Variants in CHCT1 observed in about 807,000 individuals in gnomAD.
The protein encoded by CHCT1 is CHD1 helical C-terminal domain containing 1, also known as CHD1 helical C-terminal domain containing protein 1.
At chr17:60,421,849 C>G in the CHCT1 span, 4 of 985,256 alleles carry the variant, frequency 4.1e-6, no homozygotes, top group Non-Finnish European at 3.6e-6. Flanking sequence ...CTGGTGGCTG[C>G]GCACACGAGG....
chr17:60,429,316 TC>T, the CHCT1 span: 1 of 1,574,398 alleles, frequency 6.4e-7, no homozygotes, highest in African/African-American at 1.4e-5. Context: ...AAAGTTCAGG[TC>T]CCCCTCTTCT....
the CHCT1 span, among the ~76,000 whole-genome samples, chr17:60,425,237 A>T: frequency 2.0e-5 from 3 of 152,156 alleles, no homozygotes; most frequent in Non-Finnish European, 4.4e-5. Context: ...TCTTTCTCAC[A>T]GTGACATGAT....
the CHCT1 span, chr17:60,429,371 T>G: frequency 4.3e-6 from 7 of 1,613,436 alleles, no homozygotes; most frequent in Non-Finnish European, 5.9e-6. Context: ...GGTGACATTC[T>G]GCGCCTCGGA....
At chr17:60,421,842 G>A in the CHCT1 span, 1 of 985,268 alleles carries the variant, frequency 1.0e-6, no homozygotes, top group African/African-American at 1.7e-5. Flanking sequence ...TCCCCGCCTG[G>A]TGGCTGCGCA....
chr17:60,422,033 G>T, the CHCT1 span: 7 of 835,558 alleles, frequency 8.4e-6, no homozygotes, highest in Non-Finnish European at 1.0e-5. Context: ...CCAGCACCCA[G>T]CACGGAGGGC....
At chr17:60,422,339 C>G in the CHCT1 span, 1 of 880,402 alleles carries the variant, frequency 1.1e-6, no homozygotes, top group Non-Finnish European at 1.6e-6. Flanking sequence ...AGTCTTCGCT[C>G]GACCCCGCAC....
the CHCT1 span, among the ~76,000 whole-genome samples, chr17:60,423,317 T>A: frequency 1.3e-5 from 2 of 151,504 alleles, no homozygotes; most frequent in Admixed American, 1.3e-4. Flanking sequence ...CTCAGCCTCC[T>A]GAGTAGATGG....
the CHCT1 span, chr17:60,421,628 G>T: frequency 2.1e-6 from 2 of 974,260 alleles, no homozygotes; most frequent in South Asian, 4.8e-5. Flanking sequence ...GGACCCCGCC[G>T]TGTGCCGCCC....
chr17:60,422,951 G>A, the CHCT1 span, among the ~76,000 whole-genome samples: 1 of 152,060 alleles, frequency 6.6e-6, no homozygotes, highest in Non-Finnish European at 1.5e-5. Context: ...TGATCAGCCA[G>A]AGTCCTGTCT....
At chr17:60,428,337 C>T in the CHCT1 span, among the ~76,000 whole-genome samples, 1 of 152,154 alleles carries the variant, frequency 6.6e-6, no homozygotes, top group Non-Finnish European at 1.5e-5. Flanking sequence ...TGCACTCTCG[C>T]CGTGCAGCCC....
At chr17:60,421,293 C>A in the CHCT1 span, 1 of 868,956 alleles carries the variant, frequency 1.2e-6, no homozygotes, top group Non-Finnish European at 1.4e-6. Context: ...GCTGAACATG[C>A]TGGCATAGAG....
At chr17:60,429,381 A>T in the CHCT1 span, 2 of 1,613,596 alleles carry the variant, frequency 1.2e-6, no homozygotes, top group South Asian at 1.1e-5. Flanking sequence ...TGCGCCTCGG[A>T]TGCGCCGGAG....
chr17:60,426,446 G>T, the CHCT1 span: 8 of 1,252,274 alleles, frequency 6.4e-6, no homozygotes, highest in Non-Finnish European at 7.6e-6. Flanking sequence ...ATGTGGAGGA[G>T]TCAAGAGCCT....
chr17:60,421,526 G>T, the CHCT1 span: 1 of 985,492 alleles, frequency 1.0e-6, no homozygotes, highest in Non-Finnish European at 1.2e-6. Flanking sequence ...CAGAGGACAC[G>T]AAGGAAGGTC....
At chr17:60,425,878 C>A in the CHCT1 span, 2 of 1,550,508 alleles carry the variant, frequency 1.3e-6, no homozygotes, top group Admixed American at 2.0e-5. Context: ...AGGACACCTT[C>A]AAAACTGTGA....
the CHCT1 span, chr17:60,426,535 C>T: frequency 5.6e-6 from 6 of 1,068,354 alleles, no homozygotes; most frequent in South Asian, 3.3e-5. Flanking sequence ...TGCGTGCAGG[C>T]GCTCAATACC....
At chr17:60,430,837 T>C in the CHCT1 span, among the ~76,000 whole-genome samples, 6 of 152,320 alleles carry the variant, frequency 3.9e-5, no homozygotes, top group Non-Finnish European at 7.3e-5. Context: ...GTACTGGGAA[T>C]TGGGTCATGA....
chr17:60,425,415 C>T, the CHCT1 span, among the ~76,000 whole-genome samples: 3 of 152,154 alleles, frequency 2.0e-5, no homozygotes, highest in African/African-American at 7.2e-5. Flanking sequence ...GCCACTTTTG[C>T]TGTCTCTATA....
At chr17:60,428,908 T>TC in the CHCT1 span, among the ~76,000 whole-genome samples, 1 of 151,256 alleles carries the variant, frequency 6.6e-6, no homozygotes, top group African/African-American at 2.4e-5. Flanking sequence ...GGCTCCCATT[T>TC]TTTTTTTTTT....
Sources: gnomAD v4.1 joint callset for allele counts (sites outside exome capture counted in the v4.1 genomes callset) on GRCh38, gnomAD v4.1.1 for gene constraint, MANE v1.5 for transcripts, NCBI Gene and HGNC (gene_info 2026-07-23, HGNC 2026-07-21) for gene names.